Variants in ZNF644 observed in about 807,000 individuals in gnomAD.
ZNF644 encodes the protein zinc finger motif enhancer binding protein 2.
A neutral mutation model predicts 108.0 loss-of-function variants in ZNF644; 20 were observed. The observed-to-expected ratio is 0.19, with a 90% CI of 0.13 to 0.27. ZNF644 has a LOEUF of 0.27. Ranked by LOEUF, ZNF644 falls within the 10% of genes least tolerant of loss-of-function variation. The pLI is 1.00. For synonymous variants in ZNF644, 542 were observed against 539.1 expected (o/e 1.01, Z -0.08); for missense variants, 1,338 against 1,548.9 (o/e 0.86, Z 2.29).
chr1:91,004,954 C>G (rs1659269761), intron 1 of ZNF644, among the ~76,000 whole-genome samples: 1 of 151,836 alleles, frequency 6.6e-6, no homozygotes, highest in African/African-American at 2.4e-5. Context: ...ACATAGAAAA[C>G]AAAGAGCAAA....
chr1:90,937,838 G>C lies in ZNF644; in HGVS notation c.3335C>G (p.Ala1112Gly), dbSNP rs748396941. 1 of 1,613,684 alleles carries C rather than the reference G, an allele frequency of 6.2e-7. No homozygotes were observed. Among genetic ancestry groups the C allele is most frequent in the African/African-American group, 1.3e-5 (1 of 74,894 alleles). ...IPRPFVAQKL[A>G]SSDDFISQNV... ...TTGAGATATAAAGTCATCACTTGAT[G>C]CAAGTTTTTGAGCTACAAATGGTCT... The change falls in exon 4 of 6, where the codon GCA becomes GGA. Residue 1112 changes from alanine to glycine, a missense_variant. Transcript: ENST00000337393.
At chr1:90,965,767 G>C (rs1435085316) in intron 2 of ZNF644, among the ~76,000 whole-genome samples, 1 of 151,614 alleles carries the variant, frequency 6.6e-6, no homozygotes, top group East Asian at 1.9e-4. Flanking sequence ...TCTTTTTTTT[G>C]AGATGGAGTT....
intron 4 of ZNF644, among the ~76,000 whole-genome samples, chr1:90,933,172 C>A (rs991716942): frequency 2.0e-5 from 3 of 152,076 alleles, no homozygotes; most frequent in African/African-American, 7.2e-5. Context: ...GAAGTAAAAG[C>A]ATTTTTTTAA....
At chr1:90,935,482 G>C in intron 4 of ZNF644, 1 of 985,862 alleles carries the variant, frequency 1.0e-6, no homozygotes, top group Non-Finnish European at 1.2e-6. Context: ...AACAGCACTT[G>C]TAAACGTCGT....
chr1:90,921,021 A>AT, intron 4 of ZNF644, among the ~76,000 whole-genome samples: 1 of 152,230 alleles, frequency 6.6e-6, no homozygotes. Context: ...TCTGTTTAAA[A>AT]TTGAGTATTT....
intron 1 of ZNF644, among the ~76,000 whole-genome samples, chr1:91,012,555 T>C (rs116503094): frequency 0.012 from 1,815 of 152,208 alleles, 39 homozygotes; most frequent in African/African-American, 0.042. Flanking sequence ...GAGGTTAAAA[T>C]AGTGGTTACT....
In ZNF644 at chr1:90,918,980, T is replaced by G. The variant is rs1301030761; in HGVS notation, c.3689-826A>C. On this transcript the variant is annotated intron_variant, in intron 4 of 5. Coordinates refer to ENST00000337393, the MANE Select transcript of ZNF644 (RefSeq NM_201269.3). ...TATTTTAAAATGTGATTTGAAAAGG[T>G]AAAAAAAAAAATTAAAATAGACCAA... Among the ~76,000 whole-genome samples the G allele has an allele frequency of 2.7e-5, 4 of 147,824 alleles. No individual in the cohort carries two copies. The East Asian group carries it at 7.8e-4, about 29-fold the overall frequency.
chr1:90,976,843 C>G (rs1656061650), intron 2 of ZNF644, among the ~76,000 whole-genome samples: 1 of 151,884 alleles, frequency 6.6e-6, no homozygotes, highest in Non-Finnish European at 1.5e-5. Flanking sequence ...TGCTCAAATC[C>G]CTTATATAAT....
At chr1:90,981,865 A>G (rs1188821741) in intron 2 of ZNF644, among the ~76,000 whole-genome samples, 1 of 152,086 alleles carries the variant, frequency 6.6e-6, no homozygotes, top group Non-Finnish European at 1.5e-5. Flanking sequence ...AATTTATCCC[A>G]TTTGGGAAAG....
chr1:91,008,609 T>C (rs1447552460), intron 1 of ZNF644, among the ~76,000 whole-genome samples: 1 of 152,208 alleles, frequency 6.6e-6, no homozygotes, highest in Non-Finnish European at 1.5e-5. Context: ...TCACCCATAC[T>C]ATCATACAGA....
At chr1:90,935,005 T>A (rs1281103471) in intron 4 of ZNF644, among the ~76,000 whole-genome samples, 1 of 152,146 alleles carries the variant, frequency 6.6e-6, no homozygotes, top group Non-Finnish European at 1.5e-5. Context: ...TGAGCTCAAG[T>A]GATCCTCCTG....
intron 1 of ZNF644, among the ~76,000 whole-genome samples, chr1:90,984,012 G>T (rs1425885584): frequency 5.3e-5 from 8 of 152,140 alleles, no homozygotes; most frequent in African/African-American, 1.7e-4. Context: ...GCCATAGCCA[G>T]GAATGCCAGC....
chr1:90,965,222 T>C (rs1654737005), intron 2 of ZNF644, among the ~76,000 whole-genome samples: 1 of 152,166 alleles, frequency 6.6e-6, no homozygotes, highest in Admixed American at 6.5e-5. Context: ...ATCTGGGAAC[T>C]GGAAGTCCAA....
At chr1:91,009,697 A>T (rs908530486) in intron 1 of ZNF644, among the ~76,000 whole-genome samples, 1 of 151,974 alleles carries the variant, frequency 6.6e-6, no homozygotes, top group Non-Finnish European at 1.5e-5. Flanking sequence ...GTTACCTTAA[A>T]TATTTTTTAC....
At position 90,939,095 on chromosome 1, in the gene ZNF644, T is replaced by C; in HGVS notation, c.2259A>G (p.Ser753=). The C allele has an allele frequency of 6.2e-7, 1 of 1,614,014 alleles. No homozygotes were observed. Among genetic ancestry groups the C allele is most frequent in the Non-Finnish European group, 8.5e-7 (1 of 1,179,900 alleles). ...TGAAATGCACAGGATATGATTCACC[T>C]GATTTTTTGATCATCCTATAGTTTT... ...KYENYRMIKK[S]GESYPVHFKK... Residue 753 remains serine (S), a synonymous_variant, in exon 3 of 6, where the codon TCA becomes TCG. Coordinates refer to ENST00000337393, the MANE Select transcript of ZNF644 (RefSeq NM_201269.3).
chr1:91,015,893 T>C (rs1660390458), intron 1 of ZNF644, among the ~76,000 whole-genome samples: 1 of 151,678 alleles, frequency 6.6e-6, no homozygotes, highest in East Asian at 1.9e-4. Flanking sequence ...AACACTTACT[T>C]TACTCAGCAT....
intron 2 of ZNF644, among the ~76,000 whole-genome samples, chr1:90,981,243 T>C (rs938438765): frequency 6.6e-6 from 1 of 151,978 alleles, no homozygotes; most frequent in African/African-American, 2.4e-5. Flanking sequence ...CAGCCCACTA[T>C]AAAGCAAAAA....
chr1:90,973,309 T>G (rs1222296019), intron 2 of ZNF644: 1 of 152,104 alleles, frequency 6.6e-6, no homozygotes, highest in Non-Finnish European at 1.5e-5. Context: ...TTTTCCTGTG[T>G]AGTATTTCTT....
chr1:90,962,266 T>C (rs115252754), intron 2 of ZNF644, among the ~76,000 whole-genome samples: 3,031 of 151,896 alleles, frequency 0.02, 81 homozygotes, highest in African/African-American at 0.069. Context: ...TATTATGCCA[T>C]GTAATTAAAA....
Sources: gnomAD v4.1 joint callset for allele counts (sites outside exome capture counted in the v4.1 genomes callset) on GRCh38, gnomAD v4.1.1 for gene constraint, MANE v1.5 for transcripts, NCBI Gene and HGNC (gene_info 2026-07-23, HGNC 2026-07-21) for gene names.